POU2F2: variants seen among roughly 807,000 people sequenced by gnomAD.
POU2F2 encodes the protein POU domain, class 2, transcription factor 2.
In POU2F2, 14 loss-of-function variants were observed where a neutral mutation model predicts 63.5. That is an observed-to-expected ratio of 0.22 (90% confidence interval 0.15 to 0.34). The LOEUF is 0.34. Among genes scored for constraint, POU2F2 ranks in the 10% least tolerant of loss-of-function variants. The pLI, the probability that POU2F2 is intolerant of heterozygous loss-of-function variation, is 1.00. For synonymous variants in POU2F2, 306 were observed against 348.6 expected (o/e 0.88, Z 1.36); for missense variants, 607 against 815.2 (o/e 0.74, Z 3.11).
At chr19:42,140,685 G>A (rs897861378) in intron 2 of POU2F2, among the ~76,000 whole-genome samples, 8 of 152,116 alleles carry the variant, frequency 5.3e-5, no homozygotes, top group Admixed American at 4.6e-4. Context: ...TTCAATTGCC[G>A]CCTATTTGCT....
intron 1 of POU2F2, among the ~76,000 whole-genome samples, chr19:42,190,266 TA>T (rs1261967596): frequency 6.6e-6 from 1 of 150,512 alleles, no homozygotes; most frequent in African/African-American, 2.5e-5. Flanking sequence ...TTCATTTGTT[TA>T]AAAAAATCTT....
rs1309314932 is a variant in POU2F2 at position 42,096,002 on chromosome 19, CACTGGCCACGCCCCTCGCGGCATCTATCA to C, written c.729+51_730-74del. 7.5e-6 allele frequency: 12 copies of C among 1,594,706 alleles called. No individual in the cohort carries two copies. The highest frequency in any genetic ancestry group is 1.0e-5 in the Non-Finnish European group (12 of 1,171,946). ...CGGCACTGGGCCCGCTCCGCCCGCC[CACTGGCCACGCCCCTCGCGGCATCTATCA>C]ACTGGCCACGCCCCCACGCCCACCG... On this transcript the variant is annotated intron_variant, in intron 8 of 14. Coordinates refer to ENST00000692977, the MANE Select transcript of POU2F2 (RefSeq NM_001394376.1). This position sits in a 1 kb window ranked among gnomAD's most constrained non-coding sequence, Gnocchi z 4.1.
At chr19:42,110,358 C>G (rs1217373130) in intron 5 of POU2F2, among the ~76,000 whole-genome samples, 2 of 152,182 alleles carry the variant, frequency 1.3e-5, no homozygotes, top group East Asian at 3.8e-4. Context: ...TAATCTCAGT[C>G]TGTCTGGTGG....
intron 2 of POU2F2, among the ~76,000 whole-genome samples, chr19:42,139,004 G>T (rs2034074090): frequency 6.6e-6 from 1 of 152,162 alleles, no homozygotes; most frequent in Non-Finnish European, 1.5e-5. Context: ...GCACTGTGAT[G>T]TGGCTCAAAG....
At chr19:42,166,301 G>A (rs572341011) in intron 1 of POU2F2, among the ~76,000 whole-genome samples, 1 of 152,208 alleles carries the variant, frequency 6.6e-6, no homozygotes, top group East Asian at 1.9e-4. Flanking sequence ...ATGCTCTGGG[G>A]ACACTCTATG....
chr19:42,168,992 A>T (rs2034704646), intron 1 of POU2F2, among the ~76,000 whole-genome samples: 1 of 152,194 alleles, frequency 6.6e-6, no homozygotes. Flanking sequence ...TGGAGCTCTT[A>T]GAGAGCAAGG....
intron 1 of POU2F2, among the ~76,000 whole-genome samples, chr19:42,123,463 T>A (rs1282138537): frequency 6.6e-6 from 1 of 152,084 alleles, no homozygotes; most frequent in African/African-American, 2.4e-5. Context: ...AGGCGAGTGC[T>A]CACCAGTGCC....
At chr19:42,197,005 T>C (rs73552847), upstream of POU2F2, among the ~76,000 whole-genome samples, 9,530 of 152,206 alleles carry the variant, frequency 0.063, 985 homozygotes, top group African/African-American at 0.21. Flanking sequence ...GTGGGACCCG[T>C]ATTCAAATGA....
rs2076620911 is a variant in POU2F2, at chr19:42,088,585, T to C, written c.*2672A>G. 6.6e-6 allele frequency: 1 copy of C among 152,008 alleles called. No homozygotes were observed. The highest frequency in any genetic ancestry group is 6.6e-5 in the Admixed American group (1 of 15,220). 9.4% of individuals were successfully genotyped at this position (152,008 alleles called of 1,614,324 possible). ...CATGCCTTCCATGCTGCCTGTCTTCTCGGAGGGGGTTTTTGGTTGTAATTC... is the reference window on the plus strand; with the variant it reads ...CATGCCTTCCATGCTGCCTGTCTTCCCGGAGGGGGTTTTTGGTTGTAATTC... On this transcript the variant is annotated 3_prime_UTR_variant, in exon 15 of 15. Transcript: ENST00000692977.
intron 1 of POU2F2, among the ~76,000 whole-genome samples, chr19:42,182,551 C>T (rs969224639): frequency 2.3e-4 from 35 of 152,092 alleles, no homozygotes; most frequent in Non-Finnish European, 4.4e-5. Flanking sequence ...CAGACAGAGG[C>T]TTTTCTGGTC....
chr19:42,157,012 T>C (rs943591344), intron 2 of POU2F2: 18 of 152,414 alleles, frequency 1.2e-4, no homozygotes, highest in African/African-American at 4.3e-4. Context: ...CGCTCCACAT[T>C]GAAGGCCGTT....
intron 1 of POU2F2, 65 bp from the exon 2 acceptor site, chr19:42,122,641 CA>C: frequency 7.3e-7 from 1 of 1,368,044 alleles, no homozygotes; most frequent in Admixed American, 2.3e-5. Flanking sequence ...CTCGGGCCCC[CA>C]TTCCACCACA....
chr19:42,134,181 T>C (rs549124446), upstream of POU2F2, among the ~76,000 whole-genome samples: 4 of 140,060 alleles, frequency 2.9e-5, no homozygotes, highest in East Asian at 9.2e-4. Context: ...AGGATTTGTT[T>C]TGGGGGGCTT....
In POU2F2 at chr19:42,096,457, C is replaced by T. The variant is rs1284632444; in HGVS notation, c.568-214G>A. 6.6e-6 allele frequency among the ~76,000 whole-genome samples: 1 copy of T among 152,252 alleles called. No homozygotes were observed. Among genetic ancestry groups the T allele is most frequent in the African/African-American group, 2.4e-5 (1 of 41,470 alleles). ...TTAAAGGTCCGACTCTGCTGCCCTA[C>T]ATGGGTTTCCTCATTGCCTGGGACT... On this transcript the variant is annotated intron_variant, in intron 7 of 14. Transcript: ENST00000692977. The surrounding 1 kb of genome is among the most constrained non-coding windows in gnomAD (Gnocchi z 4.1).
At chr19:42,168,268 G>C (rs964147193) in intron 1 of POU2F2, among the ~76,000 whole-genome samples, 1 of 152,178 alleles carries the variant, frequency 6.6e-6, no homozygotes, top group African/African-American at 2.4e-5. Flanking sequence ...ACGAGGCTCA[G>C]AGAGATCAGA....
chr19:42,179,261 G>A (rs1288242972), upstream of POU2F2, among the ~76,000 whole-genome samples: 2 of 152,004 alleles, frequency 1.3e-5, no homozygotes, highest in Non-Finnish European at 2.9e-5. Context: ...GGAAGGGAGA[G>A]GAGGGGAAGA....
intron 1 of POU2F2, among the ~76,000 whole-genome samples, chr19:42,189,318 G>A (rs2035051118): frequency 6.6e-6 from 1 of 152,130 alleles, no homozygotes; most frequent in Non-Finnish European, 1.5e-5. Flanking sequence ...GTCATGGGAG[G>A]CCACAAGACT....
chr19:42,132,103 G>C (rs1325121818), intron 1 of POU2F2, among the ~76,000 whole-genome samples: 1 of 152,140 alleles, frequency 6.6e-6, no homozygotes, highest in Non-Finnish European at 1.5e-5. Flanking sequence ...ATGAGGGCCC[G>C]CTACCAACAC....
At chr19:42,195,087 A>G (rs377136844) in intron 1 of POU2F2, among the ~76,000 whole-genome samples, 356 of 8,584 alleles carry the variant, frequency 0.041, 26 homozygotes, top group Middle Eastern at 0.1. Context: ...GGGAGGGAGG[A>G]AGGGAGGAAG....
Sources: gnomAD v4.1 joint callset for allele counts (sites outside exome capture counted in the v4.1 genomes callset) on GRCh38, gnomAD v4.1.1 for gene constraint, Gnocchi (gnomAD v3.1) non-coding constraint, MANE v1.5 for transcripts, NCBI Gene and HGNC (gene_info 2026-07-23, HGNC 2026-07-21) for gene names.